AP2A2: variants seen among roughly 807,000 people sequenced by gnomAD.
The protein encoded by AP2A2 is AP-2 complex subunit alpha-2.
In AP2A2, 32 loss-of-function variants were observed where a neutral mutation model predicts 104.2. The ratio of observed to expected loss-of-function variants is 0.31; its 90% confidence interval spans 0.23 to 0.41. The LOEUF is 0.41. Among genes scored for constraint, AP2A2 ranks in the 10% least tolerant of loss-of-function variants. The pLI is 1.00. For synonymous variants in AP2A2, 539 were observed against 533.3 expected (o/e 1.01, Z -0.15); for missense variants, 912 against 1,261.0 (o/e 0.72, Z 4.19).
intron 21 of AP2A2, 41 bp from the exon 22 acceptor site, chr11:1,010,507 G>A (rs916601852): frequency 1.3e-6 from 2 of 1,517,606 alleles, no homozygotes; most frequent in Non-Finnish European, 1.8e-6. Flanking sequence ...GGCTGTGTGA[G>A]CCTCGGCGTG....
chr11:970,031 G>A (rs912178070), intron 2 of AP2A2, 138 bp from the exon 3 acceptor site: 3 of 845,632 alleles, frequency 3.5e-6, no homozygotes, highest in Non-Finnish European at 5.7e-6. Flanking sequence ...CGTCTGCACT[G>A]CACCTGCCTG....
Position 993,061 on chromosome 11 carries a change from T to C in AP2A2, c.1453-223T>C, listed in dbSNP as rs977562665. Among the ~76,000 whole-genome samples the C allele has an allele frequency of 2.0e-5, 3 of 152,194 alleles. No homozygotes were observed. The highest frequency in any genetic ancestry group is 4.4e-5 in the Non-Finnish European group (3 of 68,034). On this transcript the variant is annotated intron_variant, in intron 11 of 21. Coordinates refer to ENST00000448903, the MANE Select transcript of AP2A2 (RefSeq NM_012305.4). The surrounding 1 kb of genome is among the most constrained non-coding windows in gnomAD (Gnocchi z 8.2). ...CCCAGCCAGAGCCTGTTGTGGATGC[T>C]GCAGCTCCCTCCAGGGCAGGTCAGC...
At chr11:927,484 A>G (rs1361423661) in intron 1 of AP2A2, among the ~76,000 whole-genome samples, 2 of 150,702 alleles carry the variant, frequency 1.3e-5, no homozygotes, top group Admixed American at 1.3e-4. Flanking sequence ...AGGGTAGAGG[A>G]CCATCTAACC....
chr11:950,207 T>C (rs1854000891), intron 1 of AP2A2, among the ~76,000 whole-genome samples: 1 of 151,866 alleles, frequency 6.6e-6, no homozygotes, highest in Admixed American at 6.6e-5. Context: ...CCTTACACTA[T>C]GCACAAGAAA....
intron 17 of AP2A2, 33 bp from the exon 18 acceptor site, chr11:1,007,979 G>A: frequency 6.4e-7 from 1 of 1,551,898 alleles, no homozygotes; most frequent in Non-Finnish European, 8.7e-7. Context: ...CTGCCACTGG[G>A]ACTTGCTCAG....
chr11:985,537 A>G lies in AP2A2; in HGVS notation c.917A>G (p.Asn306Ser). 6.2e-7 allele frequency: 1 copy of G among 1,614,000 alleles called. No individual in the cohort carries two copies. Among genetic ancestry groups the G allele is most frequent in the Non-Finnish European group, 8.5e-7 (1 of 1,179,900 alleles). Residue 306 changes from asparagine (N) to serine (S), a missense_variant, in exon 8 of 22, where the codon AAT becomes AGT. Asn to Ser is a conservative substitution (Grantham distance 46). Coordinates refer to ENST00000448903, the MANE Select transcript of AP2A2 (RefSeq NM_012305.4). ...SKKVQHSNAK[N>S]AVLFEAISLI... ...AAGGTCCAGCACTCCAACGCGAAGA[A>G]TGCCGTGCTCTTCGAGGCCATCAGC...
intron 14 of AP2A2, chr11:995,392 G>A: frequency 4.4e-6 from 2 of 455,898 alleles, no homozygotes; most frequent in Non-Finnish European, 8.8e-6. Context: ...CTTGCCAGCT[G>A]TTCCCCTCTG....
At chr11:928,158 C>T (rs898577528) in intron 1 of AP2A2, among the ~76,000 whole-genome samples, 7 of 152,196 alleles carry the variant, frequency 4.6e-5, no homozygotes, top group African/African-American at 1.7e-4. Context: ...TGCGGTATAG[C>T]CGTCCTCCCT....
intron 6 of AP2A2, among the ~76,000 whole-genome samples, chr11:983,055 C>G (rs1855307395): frequency 8.8e-6 from 1 of 114,024 alleles, no homozygotes; most frequent in Admixed American, 1.1e-4. Flanking sequence ...GAGTCGCACT[C>G]TGTTGCCCAG....
In AP2A2 at chr11:1,009,372, T is replaced by C; in HGVS notation, c.2582T>C (p.Met861Thr). 3 of 1,613,532 alleles carry C rather than the reference T, an allele frequency of 1.9e-6. No individual in the cohort carries two copies. Among genetic ancestry groups the C allele is most frequent in the Non-Finnish European group, 2.5e-6 (3 of 1,179,798 alleles). ...AACATCTTCAAAGCAAAGCACCCAA[T>C]GGACACAGAAGTCACCAAAGCCAAG... is the stretch of plus-strand genomic sequence containing the variant. ...VQNIFKAKHP[M>T]DTEVTKAKII... The change falls in exon 20 of 22, where the codon ATG becomes ACG. Residue 861 changes from methionine (M) to threonine (T), a missense_variant. By Grantham distance (81) the Met-to-Thr change is moderately conservative. Coordinates refer to ENST00000448903, the MANE Select transcript of AP2A2 (RefSeq NM_012305.4).
In AP2A2 at chr11:966,620, C is replaced by T. The variant is rs141503105; in HGVS notation, c.137-3549C>T. On this transcript the variant is annotated intron_variant, in intron 2 of 21. Coordinates refer to ENST00000448903, the MANE Select transcript of AP2A2 (RefSeq NM_012305.4). ...GACTGAGCAACTGCCTTGTGCCACACACTGTTGTTGGGGCTGGTGTGCATT... is the reference window on the plus strand; with the variant it reads ...GACTGAGCAACTGCCTTGTGCCACATACTGTTGTTGGGGCTGGTGTGCATT... Among the ~76,000 whole-genome samples the T allele has an allele frequency of 2.8e-3, 433 of 152,324 alleles. 9 individuals carry two copies. Among genetic ancestry groups the T allele is most frequent in the Admixed American group, 0.025 (384 of 15,300 alleles).
intron 1 of AP2A2, among the ~76,000 whole-genome samples, chr11:952,584 A>G (rs1420705052): frequency 1.3e-5 from 2 of 152,202 alleles, no homozygotes; most frequent in Non-Finnish European, 2.9e-5. Context: ...CAGTACCCTT[A>G]GTGCTGATGG....
chr11:978,622 T>C (rs1855134252), intron 5 of AP2A2, among the ~76,000 whole-genome samples: 1 of 152,164 alleles, frequency 6.6e-6, no homozygotes, highest in African/African-American at 2.4e-5. Flanking sequence ...TCCTTAGCTC[T>C]CCCAGCTTGC....
chr11:992,524 G>T lies in AP2A2; in HGVS notation c.1291G>T (p.Ala431Ser), dbSNP rs1374922381. The T allele has an allele frequency of 6.2e-7, 1 of 1,602,322 alleles. No homozygotes were observed. Among genetic ancestry groups the T allele is most frequent in the Admixed American group, 1.7e-5 (1 of 57,758 alleles). Residue 431 changes from alanine to serine, a missense_variant, in exon 11 of 22, where the codon GCT becomes TCT. Ala to Ser is a moderately conservative substitution (Grantham distance 99, BLOSUM62 1). Coordinates refer to ENST00000448903, the MANE Select transcript of AP2A2 (RefSeq NM_012305.4). The surrounding 1 kb of genome is among the most constrained non-coding windows in gnomAD (Gnocchi z 6.4). ...EEIVLKVAIL[A>S]EKYAVDYTWY... is the part of the protein sequence containing the mutation. The stretch of plus-strand genomic sequence containing the variant: ...ACAGGTGCTGAAGGTCGCCATCCTG[G>T]CTGAGAAGTACGCGGTGGACTACAC...
chr11:986,994 G>A (rs747694186), intron 9 of AP2A2, 41 bp downstream of exon 9: 70 of 1,538,612 alleles, frequency 4.5e-5, no homozygotes, highest in Non-Finnish European at 5.3e-5. Flanking sequence ...TCCCTGAGCA[G>A]GTGCCGTGGG....
At chr11:969,132 C>T (rs1030524593) in intron 2 of AP2A2, among the ~76,000 whole-genome samples, 1 of 151,716 alleles carries the variant, frequency 6.6e-6, no homozygotes, top group Admixed American at 6.6e-5. Flanking sequence ...CTTTCTCGCT[C>T]GCCTCCACAG....
In AP2A2 at chr11:959,483, A is replaced by C. The variant is rs1441356136; in HGVS notation, c.114A>C (p.Ala38=). 29 of 1,559,022 alleles carry C rather than the reference A, an allele frequency of 1.9e-5. No individual in the cohort carries two copies. The highest frequency in any genetic ancestry group is 2.5e-5 in the Non-Finnish European group (28 of 1,133,988). The stretch of plus-strand genomic sequence containing the variant: ...TAAAAAGGATAAACAAGGAACTGGC[A>C]AATATCAGATCAAAATTTAAAGGTA... ...AEIKRINKEL[A]NIRSKFKGDK... The change falls in exon 2 of 22, where the codon GCA becomes GCC. Residue 38 remains alanine, a synonymous_variant. Coordinates refer to ENST00000448903, the MANE Select transcript of AP2A2 (RefSeq NM_012305.4).
At chr11:936,607 C>T (rs896761942) in intron 1 of AP2A2, among the ~76,000 whole-genome samples, 7 of 151,970 alleles carry the variant, frequency 4.6e-5, no homozygotes, top group Non-Finnish European at 7.4e-5. Context: ...AGGCTGATAA[C>T]GAACTCCTAG....
intron 1 of AP2A2, among the ~76,000 whole-genome samples, chr11:954,230 A>G (rs1854153393): frequency 6.6e-6 from 1 of 152,216 alleles, no homozygotes; most frequent in Admixed American, 6.5e-5. Flanking sequence ...AATGAGTCAA[A>G]GGCTGCACTT....
Sources: allele counts gnomAD v4.1 joint callset (sites outside exome capture counted in the v4.1 genomes callset), GRCh38; gene constraint gnomAD v4.1.1; non-coding constraint Gnocchi (gnomAD v3.1); transcripts MANE v1.5; gene names NCBI Gene and HGNC (gene_info 2026-07-23, HGNC 2026-07-21).